The following EIF4ENIF1 variants were observed in gnomAD, a reference collection of about 807,000 sequenced individuals.
The protein encoded by EIF4ENIF1 is eukaryotic translation initiation factor 4E transporter.
EIF4ENIF1 carries 23 observed loss-of-function variants against 110.5 expected under a neutral mutation model. The observed-to-expected ratio is 0.21, with a 90% CI of 0.15 to 0.29. EIF4ENIF1 has a LOEUF of 0.29. EIF4ENIF1 is among the 10% of genes least tolerant of loss of function. The pLI is 1.00. For missense variants in EIF4ENIF1, 1,031 were observed against 1,221.1 expected (o/e 0.84, Z 2.32); for synonymous variants, 440 against 437.0 (o/e 1.01, Z -0.09).
intron 2 of EIF4ENIF1, among the ~76,000 whole-genome samples, chr22:31,473,861 T>C (rs1464661618): frequency 6.6e-6 from 1 of 152,218 alleles, no homozygotes; most frequent in African/African-American, 2.4e-5. Flanking sequence ...CCCAAATATC[T>C]TGGTCTTCAG....
At chr22:31,493,532 G>C (rs2052300144), upstream of EIF4ENIF1, among the ~76,000 whole-genome samples, 1 of 152,254 alleles carries the variant, frequency 6.6e-6, no homozygotes, top group Admixed American at 6.5e-5. Context: ...CACCATGTTG[G>C]CCAGGCTGGT....
upstream of EIF4ENIF1, among the ~76,000 whole-genome samples, chr22:31,493,325 G>A (rs1048025046): frequency 6.6e-6 from 1 of 151,942 alleles, no homozygotes; most frequent in East Asian, 1.9e-4. Context: ...CACCGCGCCT[G>A]GCCTATAACT....
chr22:31,441,260 G>T (rs2050286656), intron 17 of EIF4ENIF1, among the ~76,000 whole-genome samples: 1 of 149,826 alleles, frequency 6.7e-6, no homozygotes, highest in Non-Finnish European at 1.5e-5. Context: ...AAAGAATGAA[G>T]AATTCTCTGG....
rs140851165 is a variant in EIF4ENIF1 at position 31,439,732 on chromosome 22, T to C, written c.*148A>G. 0.018 allele frequency: 20,263 copies of C among 1,116,858 alleles called. 238 individuals are homozygous for C. Among genetic ancestry groups the C allele is most frequent in the Non-Finnish European group, 0.022 (17,330 of 803,988 alleles). The allele number at this position is 1,116,858 out of a possible 1,614,324, so 69.2% of individuals were successfully genotyped here. A position where few individuals can be genotyped will look rare whatever the true frequency, so the allele number is the denominator to read the frequency against. On this transcript the variant is annotated 3_prime_UTR_variant, in exon 19 of 19. Transcript: ENST00000330125. ...ACTGGTTAAGATCCTTCCATCATAA[T>C]GCGGACCACACCAGATGCATGGGTT...
Position 31,471,104 on chromosome 22 carries a change from C to A in EIF4ENIF1, c.170+740G>T, listed in dbSNP as rs1601624107. 2.0e-5 allele frequency among the ~76,000 whole-genome samples: 3 copies of A among 151,912 alleles called. No homozygotes were observed. The South Asian group carries it at 6.2e-4, about 32-fold the overall frequency. Reference sequence around the variant, plus strand: ...TAGGAGATTTTCAGACCATTTTTAGCTATAGTCTTCCCAAACCAAAGCCTT... The same window carrying A: ...TAGGAGATTTTCAGACCATTTTTAGATATAGTCTTCCCAAACCAAAGCCTT... On this transcript the variant is annotated intron_variant, in intron 3 of 18. Coordinates refer to ENST00000330125, the MANE Select transcript of EIF4ENIF1 (RefSeq NM_019843.4).
intron 12 of EIF4ENIF1, 103 bp from the exon 13 acceptor site, chr22:31,448,335 A>G (rs922789114): frequency 1.3e-5 from 15 of 1,166,758 alleles, no homozygotes; most frequent in Non-Finnish European, 1.8e-5. Context: ...CATCTCTTGG[A>G]AAGCACTGAT....
At chr22:31,490,710 T>C (rs1322544417), upstream of EIF4ENIF1, among the ~76,000 whole-genome samples, 4 of 152,092 alleles carry the variant, frequency 2.6e-5, no homozygotes, top group Non-Finnish European at 5.9e-5. Flanking sequence ...ATGTGAGCAG[T>C]GTGGGTAACT....
At chr22:31,467,711 T>C (rs954181495) in intron 4 of EIF4ENIF1, among the ~76,000 whole-genome samples, 1 of 151,864 alleles carries the variant, frequency 6.6e-6, no homozygotes, top group African/African-American at 2.4e-5. Flanking sequence ...TAATCCCAGC[T>C]ACTTGGGTGG....
In EIF4ENIF1 at chr22:31,440,793, G is replaced by A; in HGVS notation, c.2627C>T (p.Pro876Leu). 6.2e-7 allele frequency: 1 copy of A among 1,613,990 alleles called. No homozygotes were observed. ...GAGAGGGTGACTAGCAGCAGGTAAAGGGTAAAAGGGCTGACCCAGGATGGG... is the reference window on the plus strand; with the variant it reads ...GAGAGGGTGACTAGCAGCAGGTAAAAGGTAAAAGGGCTGACCCAGGATGGG... ...SGPILGQPFY[P>L]LPAASHPLLN... Residue 876 changes from proline (P) to leucine (L), a missense_variant, in exon 18 of 19, where the codon CCT becomes CTT. This residue lies in a region of EIF4ENIF1 where 309 missense variants were observed against 299.1 expected (regional missense o/e 1.03). Transcript: ENST00000330125.
intron 4 of EIF4ENIF1, among the ~76,000 whole-genome samples, chr22:31,466,536 C>T (rs965746455): frequency 1.3e-5 from 2 of 149,714 alleles, no homozygotes; most frequent in African/African-American, 4.9e-5. Flanking sequence ...AAGCAGAGAC[C>T]ACGCCACTGT....
intron 2 of EIF4ENIF1, among the ~76,000 whole-genome samples, chr22:31,487,233 A>C (rs908246649): frequency 6.6e-6 from 1 of 152,208 alleles, no homozygotes; most frequent in African/African-American, 2.4e-5. Context: ...ACCAAATCTG[A>C]ATGTGGAAAA....
chr22:31,471,787 T>A, intron 3 of EIF4ENIF1, 57 bp downstream of exon 3: 2 of 1,404,876 alleles, frequency 1.4e-6, no homozygotes, highest in Non-Finnish European at 2.0e-6. Flanking sequence ...TTACCAAGTT[T>A]GGTATAACAA....
intron 2 of EIF4ENIF1, among the ~76,000 whole-genome samples, chr22:31,476,504 A>G (rs2051577202): frequency 6.6e-6 from 1 of 152,240 alleles, no homozygotes; most frequent in Non-Finnish European, 1.5e-5. Context: ...ACAGTCTTAA[A>G]AAAAGGAAAA....
chr22:31,446,145 T>C (rs954561567), intron 14 of EIF4ENIF1, among the ~76,000 whole-genome samples: 3 of 151,294 alleles, frequency 2.0e-5, no homozygotes, highest in African/African-American at 7.3e-5. Context: ...ACTAGCCGGG[T>C]GTGGTGGCAC....
At chr22:31,454,107 A>G in intron 10 of EIF4ENIF1, 37 bp downstream of exon 10, 2 of 1,563,234 alleles carry the variant, frequency 1.3e-6, no homozygotes, top group Admixed American at 1.8e-5. Context: ...AGAAAAAAAA[A>G]GGAGAAAAGG....
At chr22:31,464,597 G>A (rs11913573) in intron 4 of EIF4ENIF1, among the ~76,000 whole-genome samples, 7,609 of 143,194 alleles carry the variant, frequency 0.053, 235 homozygotes, top group South Asian at 0.083. Flanking sequence ...AGAATCGCTT[G>A]AACCTGGAGG....
In EIF4ENIF1 at chr22:31,441,998, C is replaced by T. The variant is rs780759837; in HGVS notation, c.2327G>A (p.Arg776His). ...SCSTPLSQAN[R>H]YTKEQDYRPK... is the part of the protein sequence containing the mutation. ...TCGATAATCTTGTTCTTTGGTGTAA[C>T]GGTTGGCCTGGGACAGTGGGGTGGA... The change falls in exon 17 of 19, where the codon CGT becomes CAT. Residue 776 changes from arginine (R) to histidine (H), a missense_variant. By Grantham distance (29) the Arg-to-His change is conservative. Coordinates refer to ENST00000330125, the MANE Select transcript of EIF4ENIF1 (RefSeq NM_019843.4). 1.1e-5 allele frequency: 18 copies of T among 1,613,970 alleles called. No individual in the cohort carries two copies. The African/African-American group carries it at 1.5e-4, about 13-fold the overall frequency.
rs1489178555 is a variant in EIF4ENIF1, at chr22:31,439,635, CA to C, written c.*244del. On this transcript the variant is annotated 3_prime_UTR_variant, in exon 19 of 19. Coordinates refer to ENST00000330125, the MANE Select transcript of EIF4ENIF1 (RefSeq NM_019843.4). ...ACCAACACTTCATTCACATATCTTACAAAAAAGAAAGACCATTTCCAGGATT... is the reference window on the plus strand; with the variant it reads ...ACCAACACTTCATTCACATATCTTACAAAAAGAAAGACCATTTCCAGGATT... 9.1e-6 allele frequency: 5 copies of C among 549,924 alleles called. No homozygotes were observed. Among genetic ancestry groups the C allele is most frequent in the Non-Finnish European group, 1.5e-5 (5 of 322,848 alleles). 34.1% of individuals were successfully genotyped at this position (549,924 alleles called of 1,614,324 possible).
At chr22:31,445,764 A>T (rs1046113948) in intron 14 of EIF4ENIF1, among the ~76,000 whole-genome samples, 4 of 152,158 alleles carry the variant, frequency 2.6e-5, no homozygotes, top group African/African-American at 4.8e-5. Flanking sequence ...AATACAATTT[A>T]AAAAAGCAAG....
Sources: gnomAD v4.1 joint callset for allele counts (sites outside exome capture counted in the v4.1 genomes callset) on GRCh38, gnomAD v4.1.1 for gene constraint, gnomAD v4.1.1 regional missense constraint, MANE v1.5 for transcripts, NCBI Gene and HGNC (gene_info 2026-07-23, HGNC 2026-07-21) for gene names.